EBF1: variants seen among roughly 807,000 people sequenced by gnomAD.
The protein encoded by EBF1 is transcription factor COE1.
EBF1 carries 10 observed loss-of-function variants against 68.4 expected under a neutral mutation model. The observed-to-expected ratio is 0.15, with a 90% CI of 0.09 to 0.25. The LOEUF (loss-of-function observed/expected upper bound fraction) is 0.25, where lower values mean the gene tolerates loss of function less well. Ranked by LOEUF, EBF1 falls within the 10% of genes least tolerant of loss-of-function variation. The pLI is 1.00. For synonymous variants in EBF1, 298 were observed against 299.8 expected, an observed-to-expected ratio of 0.99 and a Z score of 0.06; for missense variants, 509 against 794.4, an observed-to-expected ratio of 0.64 and a Z score of 4.32.
chr5:158,924,057 G>A (rs999858154), intron 6 of EBF1, among the ~76,000 whole-genome samples: 4 of 152,316 alleles, frequency 2.6e-5, no homozygotes, highest in African/African-American at 9.6e-5. Context: ...ATTGTCCCTT[G>A]TGAGAATGAC....
At chr5:158,776,473 C>T (rs962718762) in intron 10 of EBF1, among the ~76,000 whole-genome samples, 1 of 152,140 alleles carries the variant, frequency 6.6e-6, no homozygotes, top group African/African-American at 2.4e-5. Flanking sequence ...TAACTGTTAT[C>T]CCTTCACTGC....
chr5:158,729,468 C>T (rs533622002), intron 11 of EBF1, among the ~76,000 whole-genome samples: 3 of 152,182 alleles, frequency 2.0e-5, no homozygotes, highest in Admixed American at 6.5e-5. Flanking sequence ...ATTAGTCAGA[C>T]CCACATCATT....
intron 10 of EBF1, among the ~76,000 whole-genome samples, chr5:158,776,579 G>A (rs987803300): frequency 3.9e-5 from 6 of 152,134 alleles, no homozygotes; most frequent in Non-Finnish European, 7.4e-5. Flanking sequence ...GGACTAGTTC[G>A]TGGAGACAGC....
At chr5:158,757,388 G>C (rs1018235829) in intron 10 of EBF1, among the ~76,000 whole-genome samples, 1 of 152,142 alleles carries the variant, frequency 6.6e-6, no homozygotes, top group African/African-American at 2.4e-5. Context: ...AGTCACTGAG[G>C]AAAGTATGGA....
At chr5:158,930,813 G>A (rs760952665) in intron 6 of EBF1, among the ~76,000 whole-genome samples, 52 of 151,950 alleles carry the variant, frequency 3.4e-4, no homozygotes, top group Non-Finnish European at 6.3e-4. Context: ...GCAAGTATAA[G>A]CCCTGTTCCA....
intron 6 of EBF1, among the ~76,000 whole-genome samples, chr5:158,973,039 C>G (rs1434551803): frequency 3.3e-5 from 5 of 152,234 alleles, no homozygotes; most frequent in South Asian, 4.1e-4. Context: ...TTTCTTCACC[C>G]TATTTCCCAA....
chr5:158,733,406 C>T (rs1764515020), intron 10 of EBF1, among the ~76,000 whole-genome samples: 1 of 152,160 alleles, frequency 6.6e-6, no homozygotes. Context: ...TCTAGAAATT[C>T]ATGGTTGTTA....
intron 11 of EBF1, among the ~76,000 whole-genome samples, chr5:158,720,247 C>T (rs1395294320): frequency 2.0e-5 from 3 of 152,152 alleles, no homozygotes; most frequent in African/African-American, 7.2e-5. Context: ...AGTCCTGGAT[C>T]TTTCCCCACT....
chr5:158,825,555 G>C (rs1477954068), intron 7 of EBF1, among the ~76,000 whole-genome samples: 1 of 149,896 alleles, frequency 6.7e-6, no homozygotes, highest in African/African-American at 2.4e-5. Flanking sequence ...CAAACTTAAG[G>C]CTTAAAATAT....
At chr5:158,713,477 C>G (rs1420642095) in intron 12 of EBF1, among the ~76,000 whole-genome samples, 1 of 152,172 alleles carries the variant, frequency 6.6e-6, no homozygotes, top group African/African-American at 2.4e-5. Context: ...TACAGGACAG[C>G]ACCATGGGGT....
intron 9 of EBF1, among the ~76,000 whole-genome samples, chr5:158,778,228 A>C (rs1775706023): frequency 6.6e-6 from 1 of 152,158 alleles, no homozygotes; most frequent in Non-Finnish European, 1.5e-5. Context: ...TCTGTTGGCA[A>C]TCAGATTACA....
chr5:158,981,357 T>C (rs1208532378), intron 6 of EBF1, among the ~76,000 whole-genome samples: 2 of 152,208 alleles, frequency 1.3e-5, no homozygotes, highest in Non-Finnish European at 2.9e-5. Context: ...CAAATCAACA[T>C]TTTAAGGTGC....
chr5:159,020,364 A>G (rs1766431340), intron 6 of EBF1, among the ~76,000 whole-genome samples: 2 of 152,180 alleles, frequency 1.3e-5, no homozygotes, highest in African/African-American at 2.4e-5. Flanking sequence ...TGTCTTACCC[A>G]TTTGTGTCCC....
chr5:159,086,222 GT>G (rs922351341), intron 4 of EBF1, among the ~76,000 whole-genome samples: 10 of 152,030 alleles, frequency 6.6e-5, no homozygotes, highest in African/African-American at 2.4e-4. Flanking sequence ...TTTCTCTGTA[GT>G]TTTTTCTGAA....
rs368877716 is a variant in EBF1, at chr5:158,765,880, T to C, written c.1036+11533A>G. ...CTTGTGGTACAGATAATTCAACTCA[T>C]ACCAAGGATTGCACAGGGCTGAGGA... On this transcript the variant is annotated intron_variant, in intron 10 of 15. Coordinates refer to ENST00000313708, the MANE Select transcript of EBF1 (RefSeq NM_024007.5). 5.3e-5 allele frequency among the ~76,000 whole-genome samples: 8 copies of C among 152,236 alleles called. No homozygotes were observed. The South Asian group carries it at 1.7e-3, about 32-fold the overall frequency.
intron 6 of EBF1, among the ~76,000 whole-genome samples, chr5:158,910,804 A>C (rs1805801072): frequency 6.6e-6 from 1 of 152,192 alleles, no homozygotes; most frequent in African/African-American, 2.4e-5. Context: ...ACACCCCTTA[A>C]ACAAAGGCTG....
intron 6 of EBF1, among the ~76,000 whole-genome samples, chr5:158,902,995 G>T (rs1251876462): frequency 1.3e-5 from 2 of 152,176 alleles, no homozygotes; most frequent in Non-Finnish European, 1.5e-5. Context: ...AGGCACAAAA[G>T]ATTTTCCTTA....
intron 10 of EBF1, among the ~76,000 whole-genome samples, chr5:158,741,044 A>T (rs1766262852): frequency 6.6e-6 from 1 of 152,190 alleles, no homozygotes. Context: ...TTTGACAAAA[A>T]CTATATAAAG....
chr5:159,011,732 A>T (rs980525841), intron 6 of EBF1, among the ~76,000 whole-genome samples: 2 of 152,206 alleles, frequency 1.3e-5, no homozygotes, highest in South Asian at 4.1e-4. Flanking sequence ...AATACTGGGC[A>T]ATACAAAGAG....
Sources: allele counts gnomAD v4.1 joint callset (sites outside exome capture counted in the v4.1 genomes callset), GRCh38; gene constraint gnomAD v4.1.1; transcripts MANE v1.5; gene names NCBI Gene and HGNC (gene_info 2026-07-23, HGNC 2026-07-21).